RPS6KC1: variants seen among roughly 807,000 people sequenced by gnomAD.
RPS6KC1 encodes inactive ribosomal protein S6 kinase delta-1.
Under a neutral mutation model 103.8 loss-of-function variants are expected in RPS6KC1, and 54 were observed. That is an observed-to-expected ratio of 0.52 (90% CI 0.42 to 0.65). RPS6KC1 has a LOEUF of 0.65. Ranked by LOEUF, RPS6KC1 falls within the 30% of genes least tolerant of loss-of-function variation. The probability of loss-of-function intolerance (pLI) is 0.00; values close to 1 mark genes in which losing one functional copy is unlikely to be tolerated. For missense variants in RPS6KC1, 1,151 were observed against 1,253.8 expected (o/e 0.92, Z 1.24); for synonymous variants, 439 against 438.7 (o/e 1.00, Z -0.01).
the RPS6KC1 span, among the ~76,000 whole-genome samples, chr1:213,417,597 G>C: frequency 6.6e-6 from 1 of 152,038 alleles, no homozygotes; most frequent in Non-Finnish European, 1.5e-5. Flanking sequence ...GGGAGGTGGT[G>C]GGAACTGCAG....
the RPS6KC1 span, among the ~76,000 whole-genome samples, chr1:213,741,150 A>T: frequency 6.6e-6 from 1 of 151,058 alleles, no homozygotes; most frequent in Non-Finnish European, 1.5e-5. Context: ...TATATTATTT[A>T]TGGGGTACTA....
chr1:213,742,187 T>C, the RPS6KC1 span, among the ~76,000 whole-genome samples: 1 of 152,194 alleles, frequency 6.6e-6, no homozygotes, highest in Non-Finnish European at 1.5e-5. Context: ...ATTAACTTTT[T>C]AAAAATTTGC....
At chr1:213,289,235 T>C in the RPS6KC1 span, among the ~76,000 whole-genome samples, 1 of 115,268 alleles carries the variant, frequency 8.7e-6, no homozygotes, top group Admixed American at 1.2e-4. Context: ...AAAGAATTAA[T>C]CTGGGGAGTT....
At position 213,218,715 on chromosome 1, in the gene RPS6KC1, C is replaced by T. The variant is rs536957451; in HGVS notation, c.1045-11782C>T. Reference sequence around the variant, plus strand: ...AGAACAGAGCCCTCAGAAATAACGCCGCATATCTACAACTATCTGATCTTT... The same window carrying T: ...AGAACAGAGCCCTCAGAAATAACGCTGCATATCTACAACTATCTGATCTTT... On this transcript the variant is annotated intron_variant, in intron 8 of 14. Coordinates refer to ENST00000366960, the MANE Select transcript of RPS6KC1 (RefSeq NM_012424.6). Among the ~76,000 whole-genome samples the T allele has an allele frequency of 1.9e-4, 29 of 152,238 alleles. No homozygotes were observed. In the South Asian group the frequency reaches 4.0e-3, roughly 21 times the overall value.
the RPS6KC1 span, among the ~76,000 whole-genome samples, chr1:213,624,672 C>T: frequency 1.3e-5 from 2 of 152,252 alleles, no homozygotes; most frequent in Admixed American, 6.5e-5. Flanking sequence ...CCACCCACTA[C>T]GCTTAATAGC....
chr1:213,221,981 A>G (rs1356428469), intron 8 of RPS6KC1, among the ~76,000 whole-genome samples: 1 of 152,188 alleles, frequency 6.6e-6, no homozygotes. Flanking sequence ...AGCCTGAAGA[A>G]CTCAACCTGC....
chr1:213,564,918 C>T, the RPS6KC1 span, among the ~76,000 whole-genome samples: 1 of 152,154 alleles, frequency 6.6e-6, no homozygotes, highest in Non-Finnish European at 1.5e-5. Flanking sequence ...ATATTACTTT[C>T]TTGTTTTCTG....
chr1:213,625,650 A>G, the RPS6KC1 span, among the ~76,000 whole-genome samples: 1 of 152,080 alleles, frequency 6.6e-6, no homozygotes, highest in African/African-American at 2.4e-5. Context: ...TCATTGTTCA[A>G]TTCCCACCTA....
chr1:213,469,717 T>C, the RPS6KC1 span, among the ~76,000 whole-genome samples: 1 of 152,142 alleles, frequency 6.6e-6, no homozygotes, highest in Non-Finnish European at 1.5e-5. Flanking sequence ...AAACTTTAGT[T>C]TTAAAAATCA....
chr1:213,733,353 C>T, the RPS6KC1 span, among the ~76,000 whole-genome samples: 1 of 151,900 alleles, frequency 6.6e-6, no homozygotes, highest in South Asian at 2.1e-4. Context: ...TATTCTCCCA[C>T]CTCTGCCTCC....
At chr1:213,363,686 CTTTCTTTCTTTCTTTCCTTCT>C in the RPS6KC1 span, among the ~76,000 whole-genome samples, 11 of 102,870 alleles carry the variant, frequency 1.1e-4, no homozygotes, top group African/African-American at 4.2e-4. Context: ...TTCTTTCTTT[CTTTCTTTCTTTCTTTCCTTCT>C]TTCTTTCTTT....
intron 7 of RPS6KC1, among the ~76,000 whole-genome samples, chr1:213,168,488 A>G (rs939832115): frequency 6.6e-6 from 1 of 152,182 alleles, no homozygotes; most frequent in Non-Finnish European, 1.5e-5. Flanking sequence ...ATTGCAGGTT[A>G]TTATTGTTTT....
the RPS6KC1 span, among the ~76,000 whole-genome samples, chr1:213,331,311 G>A: frequency 6.6e-6 from 1 of 152,300 alleles, no homozygotes; most frequent in East Asian, 1.9e-4. Flanking sequence ...CTGTGCAGGA[G>A]GGGTCTCCTT....
the RPS6KC1 span, among the ~76,000 whole-genome samples, chr1:213,371,631 T>A: frequency 2.0e-5 from 3 of 152,246 alleles, no homozygotes; most frequent in Admixed American, 6.5e-5. Context: ...GTTTTTGTTT[T>A]TAATAGTGGC....
the RPS6KC1 span, among the ~76,000 whole-genome samples, chr1:213,449,410 T>A: frequency 6.6e-6 from 1 of 152,176 alleles, no homozygotes; most frequent in Non-Finnish European, 1.5e-5. Flanking sequence ...CAGGCTTGGG[T>A]TCCCCCGAGG....
intron 8 of RPS6KC1, among the ~76,000 whole-genome samples, chr1:213,222,398 C>T (rs1460060814): frequency 6.6e-6 from 1 of 152,090 alleles, no homozygotes; most frequent in East Asian, 1.9e-4. Context: ...GAATTTTCAT[C>T]AGTGGAAAAC....
chr1:213,127,736 C>CT (rs1558374805), intron 5 of RPS6KC1, among the ~76,000 whole-genome samples: 1 of 152,158 alleles, frequency 6.6e-6, no homozygotes, highest in African/African-American at 2.4e-5. Context: ...CTGTCTGCCA[C>CT]TTTGGGTTTG....
chr1:213,355,329 A>G, the RPS6KC1 span, among the ~76,000 whole-genome samples: 2 of 152,014 alleles, frequency 1.3e-5, no homozygotes, highest in Non-Finnish European at 2.9e-5. Flanking sequence ...AGGGCGTGTC[A>G]TTTTCAGACC....
chr1:213,834,452 G>GTTTTTATAAGTC, the RPS6KC1 span, among the ~76,000 whole-genome samples: 1 of 152,090 alleles, frequency 6.6e-6, no homozygotes, highest in Non-Finnish European at 1.5e-5. Context: ...CCATTCCCTT[G>GTTTTTATAAGTC]TTATGTTTTT....
Sources: gnomAD v4.1 joint callset for allele counts (sites outside exome capture counted in the v4.1 genomes callset) on GRCh38, gnomAD v4.1.1 for gene constraint, MANE v1.5 for transcripts, NCBI Gene and HGNC (gene_info 2026-07-23, HGNC 2026-07-21) for gene names.